The following EBF4 variants were observed in gnomAD, a reference collection of about 807,000 sequenced individuals.
EBF4 encodes the protein transcription factor COE4.
A neutral mutation model predicts 67.1 loss-of-function variants in EBF4; 34 were observed. The observed-to-expected ratio is 0.51, with a 90% CI of 0.39 to 0.67. EBF4 has a LOEUF of 0.67. Among genes scored for constraint, EBF4 ranks in the 30% least tolerant of loss-of-function variants. The pLI is 0.00. For synonymous variants in EBF4, 387 were observed against 377.7 expected (o/e 1.02, Z -0.29); for missense variants, 837 against 873.3 (o/e 0.96, Z 0.52).
At chr20:2,741,826 G>A (rs1487495033) in intron 6 of EBF4, among the ~76,000 whole-genome samples, 1 of 152,182 alleles carries the variant, frequency 6.6e-6, no homozygotes, top group Non-Finnish European at 1.5e-5. Flanking sequence ...TGGAATACAG[G>A]CAGAATGGAA....
chr20:2,752,496 T>C (rs1180030079), exon 14 of EBF4: 9 of 1,258,794 alleles, frequency 7.1e-6, no homozygotes, highest in Non-Finnish European at 9.0e-6. Context: ...TCGGCGTGCC[T>C]GGGTCCCCCA....
chr20:2,724,523 T>A (rs2087724348), intron 6 of EBF4, among the ~76,000 whole-genome samples: 1 of 152,240 alleles, frequency 6.6e-6, no homozygotes, highest in Non-Finnish European at 1.5e-5. Context: ...ACTCCGTTTC[T>A]TGAAAGATGG....
intron 6 of EBF4, among the ~76,000 whole-genome samples, chr20:2,726,369 T>G (rs2087746541): frequency 6.6e-6 from 1 of 152,068 alleles, no homozygotes; most frequent in Non-Finnish European, 1.5e-5. Flanking sequence ...TGACTTGAAG[T>G]CAGGAGTTTG....
intron 5 of EBF4, among the ~76,000 whole-genome samples, chr20:2,708,534 C>T (rs942856487): frequency 3.9e-5 from 6 of 152,274 alleles, no homozygotes; most frequent in African/African-American, 1.4e-4. Flanking sequence ...TCCTCGGAGG[C>T]AGTTCCTGAT....
At chr20:2,758,027 C>T (rs2088272153) in intron 15 of EBF4, among the ~76,000 whole-genome samples, 1 of 152,172 alleles carries the variant, frequency 6.6e-6, no homozygotes, top group South Asian at 2.1e-4. Context: ...AGTGAGGGAG[C>T]TAACAGGATG....
At position 2,759,264 on chromosome 20, in the gene EBF4, C is replaced by T; in HGVS notation, c.*6-4C>T. On this transcript the variant is annotated splice_region_variant and splice_polypyrimidine_tract_variant and intron_variant, in intron 16 of 16. Coordinates refer to ENST00000609451, the Ensembl canonical transcript of EBF4. ...CTTCTTCTCTCCCTCTCTCGCCCCA[C>T]CAGGTCTGCAGCTGTTCCCATGGAG... is the stretch of plus-strand genomic sequence containing the variant. 1 of 498,988 alleles carries T rather than the reference C, an allele frequency of 2.0e-6. No homozygotes were observed. The highest frequency in any genetic ancestry group is 3.4e-5 in the East Asian group (1 of 29,496). 30.9% of individuals were successfully genotyped at this position (498,988 alleles called of 1,614,324 possible).
At chr20:2,746,423 A>G (rs2088051822) in intron 6 of EBF4, among the ~76,000 whole-genome samples, 1 of 152,082 alleles carries the variant, frequency 6.6e-6, no homozygotes, top group Non-Finnish European at 1.5e-5. Flanking sequence ...GGGGGTGCCC[A>G]CTGTGGGGGA....
rs371910365 is a variant in EBF4 at position 2,737,198 on chromosome 20, C to A, written c.558-11351C>A. The stretch of plus-strand genomic sequence containing the variant: ...CCGGGAGGCGGAGCTTGCAGTGAGC[C>A]GAGATCGCGCCACTGCACTCCAGCT... On this transcript the variant is annotated intron_variant, in intron 6 of 16. Coordinates refer to ENST00000609451, the Ensembl canonical transcript of EBF4. Among the ~76,000 whole-genome samples, 8 of 146,288 alleles carry A rather than the reference C, an allele frequency of 5.5e-5. No homozygotes were observed. The East Asian group carries it at 1.6e-3, about 30-fold the overall frequency.
intron 7 of EBF4, among the ~76,000 whole-genome samples, 188 bp from the exon 8 acceptor site, chr20:2,749,213 G>C (rs2088099231): frequency 6.6e-6 from 1 of 152,120 alleles, no homozygotes; most frequent in Non-Finnish European, 1.5e-5. Context: ...TCATCTGGGG[G>C]TATCACCTGA....
At chr20:2,728,094 A>C (rs1414236911) in intron 6 of EBF4, among the ~76,000 whole-genome samples, 1 of 152,240 alleles carries the variant, frequency 6.6e-6, no homozygotes, top group Non-Finnish European at 1.5e-5. Flanking sequence ...AATATTTATG[A>C]TACCAAGTCT....
chr20:2,737,412 G>A (rs1438174987), intron 6 of EBF4, among the ~76,000 whole-genome samples: 1 of 152,090 alleles, frequency 6.6e-6, no homozygotes, highest in Non-Finnish European at 1.5e-5. Flanking sequence ...GTTATTGAGG[G>A]CTGGGGACTC....
intron 6 of EBF4, among the ~76,000 whole-genome samples, chr20:2,742,402 GTTGT>G (rs779122371): frequency 1.8e-4 from 27 of 152,144 alleles, no homozygotes; most frequent in African/African-American, 3.1e-4. Flanking sequence ...TTCTTTTTTT[GTTGT>G]TTGTTTGTTT....
At chr20:2,750,164 T>G (rs1266873951) in intron 10 of EBF4, among the ~76,000 whole-genome samples, 191 bp downstream of exon 10, 3 of 152,018 alleles carry the variant, frequency 2.0e-5, no homozygotes, top group Non-Finnish European at 4.4e-5. Context: ...TTTCCCTGGC[T>G]CTGTGTGTTT....
exon 16 of EBF4, chr20:2,758,952 G>A: frequency 1.0e-5 from 16 of 1,551,776 alleles, no homozygotes; most frequent in African/African-American, 1.4e-5. Flanking sequence ...CTCCAGCCCG[G>A]GGGCTTCAGG....
Position 2,696,757 on chromosome 20 carries a change from C to T in EBF4, c.137+2975C>T, listed in dbSNP as rs965750823. Among the ~76,000 whole-genome samples, 6 of 152,210 alleles carry T rather than the reference C, an allele frequency of 3.9e-5. No individual in the cohort carries two copies. Among genetic ancestry groups the T allele is most frequent in the Non-Finnish European group, 7.3e-5 (5 of 68,038 alleles). The stretch of plus-strand genomic sequence containing the variant: ...CCTCAGGACTCCCTCTTACACCCAC[C>T]GACCCCAGCAACTGCTCTTTCTGTG... On this transcript the variant is annotated intron_variant, in intron 1 of 16. Coordinates refer to ENST00000609451, the Ensembl canonical transcript of EBF4. The surrounding 1 kb of genome is among the most constrained non-coding windows in gnomAD (Gnocchi z 4.7).
intron 1 of EBF4, among the ~76,000 whole-genome samples, chr20:2,694,521 G>C (rs2087260692): frequency 6.6e-6 from 1 of 152,130 alleles, no homozygotes; most frequent in Non-Finnish European, 1.5e-5. Flanking sequence ...TTATTGACCT[G>C]CCCCCAAAGC....
chr20:2,758,754 A>G (rs1463856133), intron 15 of EBF4, 155 bp from the exon 16 acceptor site: 1 of 675,126 alleles, frequency 1.5e-6, no homozygotes, highest in Non-Finnish European at 2.6e-6. Context: ...CCTCACCCCG[A>G]TCTGCAGTGC....
At chr20:2,752,438 G>A in exon 14 of EBF4, 2 of 1,299,790 alleles carry the variant, frequency 1.5e-6, no homozygotes, top group Non-Finnish European at 9.7e-7. Context: ...TACGGCGGCG[G>A]CCTCGGAGCT....
At chr20:2,752,451 C>A in exon 14 of EBF4, 2 of 1,276,258 alleles carry the variant, frequency 1.6e-6, no homozygotes, top group Non-Finnish European at 2.0e-6. Flanking sequence ...TCGGAGCTGG[C>A]CTGGGCGGCT....
Sources: gnomAD v4.1 joint callset for allele counts (sites outside exome capture counted in the v4.1 genomes callset) on GRCh38, gnomAD v4.1.1 for gene constraint, Gnocchi (gnomAD v3.1) non-coding constraint, MANE v1.5 for transcripts, NCBI Gene and HGNC (gene_info 2026-07-23, HGNC 2026-07-21) for gene names.